Variants in CADPS2 observed in about 807,000 individuals in gnomAD.
CADPS2 encodes the protein calcium-dependent secretion activator 2.
A neutral mutation model predicts 172.5 loss-of-function variants in CADPS2; 93 were observed. The observed-to-expected ratio is 0.54, with a 90% confidence interval of 0.46 to 0.64. The LOEUF (loss-of-function observed/expected upper bound fraction) is 0.64. Among genes scored for constraint, CADPS2 ranks in the 30% least tolerant of loss-of-function variants. The probability of loss-of-function intolerance (pLI) is 0.00; values close to 1 mark genes in which losing one functional copy is unlikely to be tolerated. For synonymous variants in CADPS2, 546 were observed against 555.2 expected, an observed-to-expected ratio of 0.98 and a Z score of 0.23; for missense variants, 1,420 against 1,565.9, an observed-to-expected ratio of 0.91 and a Z score of 1.57.
chr7:122,425,425 CAAAAAAAAAAAAA>C (rs71159797), intron 17 of CADPS2, among the ~76,000 whole-genome samples: 4 of 72,678 alleles, frequency 5.5e-5, no homozygotes, highest in African/African-American at 2.2e-4. Flanking sequence ...CTATCTCTAC[CAAAAAAAAAAAAA>C]AAAAAAAAAA....
At chr7:122,519,141 T>C (rs970627333) in intron 8 of CADPS2, among the ~76,000 whole-genome samples, 3 of 152,034 alleles carry the variant, frequency 2.0e-5, no homozygotes, top group African/African-American at 4.8e-5. Flanking sequence ...CAAGAATTAT[T>C]TGAATGGGGT....
chr7:122,680,999 A>T (rs1333298371), intron 2 of CADPS2, among the ~76,000 whole-genome samples: 1 of 151,424 alleles, frequency 6.6e-6, no homozygotes, highest in Non-Finnish European at 1.5e-5. Flanking sequence ...TGAAATTGGA[A>T]ATCATCATTC....
At chr7:122,688,558 C>T (rs891749502) in intron 2 of CADPS2, among the ~76,000 whole-genome samples, 2 of 152,138 alleles carry the variant, frequency 1.3e-5, no homozygotes, top group East Asian at 1.9e-4. Flanking sequence ...TTAGAGTGTC[C>T]GCTCTGTCTC....
At chr7:122,473,006 G>A (rs73431597) in intron 13 of CADPS2, among the ~76,000 whole-genome samples, 6,029 of 152,028 alleles carry the variant, frequency 0.04, 167 homozygotes, top group African/African-American at 0.067. Flanking sequence ...CCCAGACCTG[G>A]GAAGCTCCAA....
chr7:122,789,397 C>T (rs111834058), intron 1 of CADPS2, among the ~76,000 whole-genome samples: 3,313 of 152,268 alleles, frequency 0.022, 72 homozygotes, highest in African/African-American at 0.061. Context: ...GTAGTAAGAG[C>T]TGCTATTTAA....
intron 25 of CADPS2, among the ~76,000 whole-genome samples, chr7:122,364,060 C>G (rs12538303): frequency 0.23 from 34,750 of 152,064 alleles, 4,214 homozygotes; most frequent in Non-Finnish European, 0.26. Flanking sequence ...CTTTACCCAT[C>G]ATGCTACAGA....
chr7:122,713,796 ACAGTGATAGAACTTACTTATTATACATTT>A (rs777244941), intron 2 of CADPS2, among the ~76,000 whole-genome samples: 2 of 152,100 alleles, frequency 1.3e-5, no homozygotes, highest in Non-Finnish European at 2.9e-5. Flanking sequence ...ATGCATGAAA[ACAGTGATAGAACTTACTTATTATACATTT>A]TATAGTTATA....
At chr7:122,749,981 AAG>A (rs1271854593) in intron 1 of CADPS2, among the ~76,000 whole-genome samples, 49 of 151,918 alleles carry the variant, frequency 3.2e-4, no homozygotes, top group Admixed American at 1.5e-3. Flanking sequence ...AAAAAAGAAA[AAG>A]AGAGAGTATG....
intron 6 of CADPS2, among the ~76,000 whole-genome samples, chr7:122,590,565 C>T (rs2070637870): frequency 6.6e-6 from 1 of 151,702 alleles, no homozygotes; most frequent in Admixed American, 6.6e-5. Context: ...CCATTACAGG[C>T]AGTGCTGCAA....
chr7:122,354,659 A>T (rs1372300425), intron 27 of CADPS2, among the ~76,000 whole-genome samples: 1 of 152,128 alleles, frequency 6.6e-6, no homozygotes, highest in Non-Finnish European at 1.5e-5. Flanking sequence ...GCTAATATGA[A>T]CATTTTCATC....
At chr7:122,840,803 T>C (rs1462677037) in intron 1 of CADPS2, among the ~76,000 whole-genome samples, 2 of 152,136 alleles carry the variant, frequency 1.3e-5, no homozygotes, top group Non-Finnish European at 2.9e-5. Flanking sequence ...TTGAATGTGA[T>C]ATGAAACAGA....
chr7:122,847,679 A>G (rs1021313518), intron 1 of CADPS2, among the ~76,000 whole-genome samples: 1 of 152,162 alleles, frequency 6.6e-6, no homozygotes, highest in Non-Finnish European at 1.5e-5. Flanking sequence ...TAGATTTTCC[A>G]AAGTAAATTT....
At chr7:122,490,990 T>C (rs1035271777) in intron 10 of CADPS2, among the ~76,000 whole-genome samples, 1 of 152,188 alleles carries the variant, frequency 6.6e-6, no homozygotes, top group Non-Finnish European at 1.5e-5. Flanking sequence ...TGCCATTTCT[T>C]TGCCTATTTC....
chr7:122,551,611 C>G (rs956025052), intron 8 of CADPS2, among the ~76,000 whole-genome samples: 1 of 152,022 alleles, frequency 6.6e-6, no homozygotes, highest in Non-Finnish European at 1.5e-5. Context: ...ATTTCAAAGT[C>G]TAAAGTGCTC....
intron 3 of CADPS2, among the ~76,000 whole-genome samples, chr7:122,656,741 G>A (rs774939024): frequency 6.6e-6 from 1 of 152,108 alleles, no homozygotes; most frequent in Non-Finnish European, 1.5e-5. Context: ...CCAGTCAAAA[G>A]GGGAGACAAA....
intron 1 of CADPS2, among the ~76,000 whole-genome samples, chr7:122,793,954 C>A (rs1795825388): frequency 6.6e-6 from 1 of 152,068 alleles, no homozygotes. Flanking sequence ...GAGTATTGAC[C>A]CCCAATCTCT....
chr7:122,826,970 A>G (rs1204717015), intron 1 of CADPS2, among the ~76,000 whole-genome samples: 2 of 152,320 alleles, frequency 1.3e-5, no homozygotes, highest in East Asian at 3.9e-4. Flanking sequence ...GGAAAACAAC[A>G]AAGGAAAATC....
chr7:122,807,945 A>T (rs2140102137), intron 1 of CADPS2, among the ~76,000 whole-genome samples: 1 of 152,322 alleles, frequency 6.6e-6, no homozygotes, highest in Admixed American at 6.5e-5. Context: ...AGACTTCAAC[A>T]AATGACGTAG....
intron 2 of CADPS2, among the ~76,000 whole-genome samples, chr7:122,683,092 A>G (rs1428206352): frequency 6.6e-6 from 1 of 152,166 alleles, no homozygotes; most frequent in Non-Finnish European, 1.5e-5. Context: ...AACAGATTGA[A>G]GGGTAGTGTA....
Sources: allele counts gnomAD v4.1 joint callset (sites outside exome capture counted in the v4.1 genomes callset), GRCh38; gene constraint gnomAD v4.1.1; transcripts MANE v1.5; gene names NCBI Gene and HGNC (gene_info 2026-07-23, HGNC 2026-07-21).